NECTIN3: variants seen among roughly 807,000 people sequenced by gnomAD.
The protein encoded by NECTIN3 is nectin cell adhesion molecule 3.
NECTIN3 carries 8 observed loss-of-function variants against 49.4 expected under a neutral mutation model. That is an observed-to-expected ratio of 0.16 (90% CI 0.10 to 0.29). The LOEUF (loss-of-function observed/expected upper bound fraction) is 0.29, where lower values mean the gene tolerates loss of function less well. Among genes scored for constraint, NECTIN3 ranks in the 10% least tolerant of loss-of-function variants. The pLI, the probability that NECTIN3 is intolerant of heterozygous loss-of-function variation, is 1.00. For synonymous variants in NECTIN3, 277 were observed against 241.1 expected (o/e 1.15, Z -1.38); for missense variants, 581 against 654.6 (o/e 0.89, Z 1.23).
rs80113602 is a variant in NECTIN3, at chr3:111,181,937, T to C, written c.1222-10414T>C. Among the ~76,000 whole-genome samples the C allele has an allele frequency of 2.5e-3, 382 of 152,072 alleles. 15 individuals are homozygous for C. In the East Asian group the frequency reaches 0.061, roughly 24 times the overall value. ...TTGTTCTTTTTTCAGTTTCTTAAGCTTAGATCATTAATTTCAGTCCTTTCT... is the reference window on the plus strand; with the variant it reads ...TTGTTCTTTTTTCAGTTTCTTAAGCCTAGATCATTAATTTCAGTCCTTTCT... On this transcript the variant is annotated intron_variant, in intron 7 of 8. Transcript: ENST00000493615.
intron 4 of NECTIN3, among the ~76,000 whole-genome samples, chr3:111,122,674 C>T (rs2034005440): frequency 6.6e-6 from 1 of 152,146 alleles, no homozygotes; most frequent in Admixed American, 6.5e-5. Flanking sequence ...GTAAATGTTA[C>T]TAAGAGCTAA....
At chr3:111,111,968 G>C (rs2033486828) in intron 1 of NECTIN3, 62 bp from the exon 2 acceptor site, 42 of 1,058,692 alleles carry the variant, frequency 4.0e-5, no homozygotes, top group Non-Finnish European at 5.5e-5. Context: ...GTCAGGAAGG[G>C]AGGAGAGTGT....
intron 7 of NECTIN3, among the ~76,000 whole-genome samples, chr3:111,169,131 C>G (rs1331720536): frequency 7.1e-6 from 1 of 139,972 alleles, no homozygotes; most frequent in Non-Finnish European, 1.5e-5. Context: ...GCTCTGTCGC[C>G]CAGGCTGGAG....
At chr3:111,138,020 C>A (rs1353323446), downstream of NECTIN3, among the ~76,000 whole-genome samples, 2 of 151,386 alleles carry the variant, frequency 1.3e-5, no homozygotes, top group Admixed American at 6.6e-5. Context: ...CTGTTAAAAC[C>A]CATTTTATAT....
rs767897797 is a variant in NECTIN3 at position 111,122,140 on chromosome 3, A to T, written c.819A>T (p.Val273=). 6.2e-7 allele frequency: 1 copy of T among 1,612,158 alleles called. No individual in the cohort carries two copies. The highest frequency in any genetic ancestry group is 1.3e-5 in the African/African-American group (1 of 74,874). ...TTATAGATGCTCCTGAAGTTTCGGT[A>T]ACAGGATATGATGGAAATTGGTTTG... is the stretch of plus-strand genomic sequence containing the variant. ...LDIQYAPEVS[V]TGYDGNWFVG... is the part of the protein sequence containing the mutation. The change falls in exon 4 of 6, where the codon GTA becomes GTT. Residue 273 remains valine, a synonymous_variant. Transcript: ENST00000485303.
At position 111,150,683 on chromosome 3, in the gene NECTIN3, C is replaced by T. The variant is rs578262627; in HGVS notation, c.1221+3199C>T. On this transcript the variant is annotated intron_variant, in intron 7 of 8. Coordinates refer to the NECTIN3 transcript ENST00000493615. ...TCTGAAGACTATTCAAATAGTCTCCCTTTTCCAACTAATGTATTTGCGTGA... is the reference window on the plus strand; with the variant it reads ...TCTGAAGACTATTCAAATAGTCTCCTTTTTCCAACTAATGTATTTGCGTGA... Among the ~76,000 whole-genome samples the T allele has an allele frequency of 3.3e-5, 5 of 151,590 alleles. No homozygotes were observed. In the South Asian group the frequency reaches 1.0e-3, roughly 32 times the overall value.
At chr3:111,155,355 A>G (rs1301657871) in intron 7 of NECTIN3, among the ~76,000 whole-genome samples, 1 of 152,190 alleles carries the variant, frequency 6.6e-6, no homozygotes, top group Non-Finnish European at 1.5e-5. Flanking sequence ...CTTAGTTGTC[A>G]TTTTATTTAA....
intron 1 of NECTIN3, among the ~76,000 whole-genome samples, chr3:111,081,034 G>C (rs1457787345): frequency 6.6e-6 from 1 of 152,134 alleles, no homozygotes; most frequent in South Asian, 2.1e-4. Context: ...TGTAATCCCT[G>C]AGAGGCTAAG....
At chr3:111,072,432 T>C (rs757942183) in intron 1 of NECTIN3, 13 of 1,532,892 alleles carry the variant, frequency 8.5e-6, no homozygotes, top group South Asian at 2.4e-5. Context: ...GGCCGAGGGT[T>C]GGCGATGGTG....
chr3:111,072,533 A>T, intron 1 of NECTIN3: 1 of 1,535,710 alleles, frequency 6.5e-7, no homozygotes, highest in Middle Eastern at 1.7e-4. Flanking sequence ...GCCGGGATGC[A>T]CGTTTGCCGC....
intron 1 of NECTIN3, among the ~76,000 whole-genome samples, chr3:111,105,787 TC>T (rs1229914769): frequency 6.6e-6 from 1 of 152,222 alleles, no homozygotes; most frequent in African/African-American, 2.4e-5. Flanking sequence ...GTGCTTCACT[TC>T]GTCTACTGCC....
At chr3:111,146,786 A>G (rs1053282430) in intron 6 of NECTIN3, among the ~76,000 whole-genome samples, 3 of 152,188 alleles carry the variant, frequency 2.0e-5, no homozygotes, top group South Asian at 4.1e-4. Flanking sequence ...TATAAGGTAT[A>G]TTAAAACTAT....
intron 1 of NECTIN3, among the ~76,000 whole-genome samples, chr3:111,105,672 T>G (rs1254819675): frequency 6.6e-6 from 1 of 152,198 alleles, no homozygotes; most frequent in East Asian, 1.9e-4. Flanking sequence ...CTTTCTGATT[T>G]GGAATTTATT....
rs981189971 is a variant in NECTIN3 at position 111,135,031 on chromosome 3, T to G, written c.*816T>G. The G allele has an allele frequency of 1.0e-6, 1 of 981,180 alleles. No homozygotes were observed. The highest frequency in any genetic ancestry group is 1.8e-5 in the African/African-American group (1 of 57,102). 60.8% of individuals were successfully genotyped at this position (981,180 alleles called of 1,614,324 possible). On this transcript the variant is annotated 3_prime_UTR_variant, in exon 6 of 6. Coordinates refer to ENST00000485303, the MANE Select transcript of NECTIN3 (RefSeq NM_015480.3). ...TTGGTACATTAGCAGTAGCCTTATT[T>G]TAATGCTTTATGTCCTAAACATACT...
intron 7 of NECTIN3, among the ~76,000 whole-genome samples, chr3:111,167,748 A>C (rs1190376372): frequency 2.6e-5 from 4 of 152,138 alleles, no homozygotes; most frequent in Non-Finnish European, 5.9e-5. Flanking sequence ...TATAAACTTT[A>C]TATACACATC....
At chr3:111,173,849 C>A (rs1291460527) in intron 7 of NECTIN3, among the ~76,000 whole-genome samples, 1 of 151,926 alleles carries the variant, frequency 6.6e-6, no homozygotes, top group African/African-American at 2.4e-5. Flanking sequence ...TGATTACAGT[C>A]CATTGGTGTT....
At chr3:111,192,648 T>C (rs2035834615) in intron 1 of NECTIN3, among the ~76,000 whole-genome samples, 2 of 152,108 alleles carry the variant, frequency 1.3e-5, no homozygotes, top group South Asian at 2.1e-4. Flanking sequence ...GGGGGGTTCA[T>C]TTTATAGGTG....
At chr3:111,184,696 A>G (rs1399454894) in intron 7 of NECTIN3, among the ~76,000 whole-genome samples, 1 of 152,234 alleles carries the variant, frequency 6.6e-6, no homozygotes, top group Non-Finnish European at 1.5e-5. Context: ...CATGGTCAGT[A>G]CATTTTAATT....
Position 111,135,161 on chromosome 3 carries a change from T to A in NECTIN3, c.*946T>A. ...TCTATAGAAAGAATTTTATGGACCA[T>A]CTTGTTTTAGTTATTTAATGTTGAT... is the stretch of plus-strand genomic sequence containing the variant. On this transcript the variant is annotated 3_prime_UTR_variant, in exon 6 of 6. Transcript: ENST00000485303. The A allele has an allele frequency of 1.0e-6, 1 of 982,520 alleles. No homozygotes were observed. Among genetic ancestry groups the A allele is most frequent in the Non-Finnish European group, 1.2e-6 (1 of 827,418 alleles). The allele number at this position is 982,520 out of a possible 1,614,324, so 60.9% of individuals were successfully genotyped here.
Sources: gnomAD v4.1 joint callset for allele counts (sites outside exome capture counted in the v4.1 genomes callset) on GRCh38, gnomAD v4.1.1 for gene constraint, MANE v1.5 for transcripts, NCBI Gene and HGNC (gene_info 2026-07-23, HGNC 2026-07-21) for gene names.